The following ADAMTS2 variants were observed in gnomAD, a reference collection of about 807,000 sequenced individuals.
The protein encoded by ADAMTS2 is ADAM metallopeptidase with thrombospondin type 1 motif 2.
A neutral mutation model predicts 123.0 loss-of-function variants in ADAMTS2; 50 were observed. The ratio of observed to expected loss-of-function variants is 0.41; its 90% CI spans 0.32 to 0.51. ADAMTS2 has a LOEUF of 0.51. Ranked by LOEUF, ADAMTS2 falls within the 20% of genes least tolerant of loss-of-function variation. ADAMTS2 has a pLI of 0.35. For missense variants in ADAMTS2, 1,494 were observed against 1,705.2 expected (o/e 0.88, Z 2.18); for synonymous variants, 678 against 695.4 (o/e 0.98, Z 0.39).
At chr5:179,230,346 G>A (rs1765380042) in intron 3 of ADAMTS2, among the ~76,000 whole-genome samples, 1 of 152,184 alleles carries the variant, frequency 6.6e-6, no homozygotes, top group South Asian at 2.1e-4. Context: ...CTGGCCCTGG[G>A]CACTCACAGG....
chr5:179,153,615 T>C lies in ADAMTS2; in HGVS notation c.1391A>G (p.Asp464Gly). 6 of 1,603,494 alleles carry C rather than the reference T, an allele frequency of 3.7e-6. No individual in the cohort carries two copies. The highest frequency in any genetic ancestry group is 5.1e-6 in the Non-Finnish European group (6 of 1,179,558). ...GGCGAAGGGGTCATCCAGCAGGCAG[T>C]CATAGGAGCTGTGGGGGACACACGG... ...QELSRYLHSY[D>G]CLLDDPFAHD... Residue 464 changes from aspartate to glycine, a missense_variant, in exon 9 of 22, where the codon GAC becomes GGC. Coordinates refer to ENST00000251582, the MANE Select transcript of ADAMTS2 (RefSeq NM_014244.5).
intron 4 of ADAMTS2, among the ~76,000 whole-genome samples, chr5:179,194,403 A>G (rs1764374071): frequency 6.6e-6 from 1 of 152,204 alleles, no homozygotes; most frequent in South Asian, 2.1e-4. Flanking sequence ...ATCCGGGTGC[A>G]CTAAGGGAGT....
intron 3 of ADAMTS2, among the ~76,000 whole-genome samples, chr5:179,224,904 A>T (rs917869147): frequency 6.6e-6 from 1 of 152,114 alleles, no homozygotes; most frequent in African/African-American, 2.4e-5. Context: ...GTTTCCCTGT[A>T]TCCTCCTCCG....
At chr5:179,207,461 C>G (rs527987355) in intron 4 of ADAMTS2, 52 bp downstream of exon 4, 3 of 1,566,796 alleles carry the variant, frequency 1.9e-6, no homozygotes, top group South Asian at 2.2e-5. Context: ...GCCTGCCCAG[C>G]CCCTGGTTGA....
At position 179,128,069 on chromosome 5, in the gene ADAMTS2, A is replaced by T. The variant is rs138983307; in HGVS notation, c.2507T>A (p.Ile836Asn). 2 of 1,613,894 alleles carry T rather than the reference A, an allele frequency of 1.2e-6. No individual in the cohort carries two copies. The highest frequency in any genetic ancestry group is 2.7e-5 in the African/African-American group (2 of 75,000). ...GTCGACATTCAGTGAGTCCTCATGG[A>T]TCATGTATTTGTACGTCAGTGAGAC... ...TRVSLTYKYM[I>N]HEDSLNVDDN... is the part of the protein sequence containing the mutation. The change falls in exon 17 of 22, where the codon ATC becomes AAC. Residue 836 changes from isoleucine to asparagine, a missense_variant. This residue lies in a region of ADAMTS2 where 953 missense variants were observed against 1,124.7 expected (regional missense o/e 0.85). Coordinates refer to ENST00000251582, the MANE Select transcript of ADAMTS2 (RefSeq NM_014244.5). The surrounding 1 kb of genome is among the most constrained non-coding windows in gnomAD (Gnocchi z 4.9).
intron 3 of ADAMTS2, among the ~76,000 whole-genome samples, chr5:179,208,165 T>TGAC (rs1561806138): frequency 8.6e-6 from 1 of 115,740 alleles, no homozygotes; most frequent in Non-Finnish European, 1.7e-5. Context: ...CACTGCCCGA[T>TGAC]GCTGGAGTGG....
chr5:179,209,191 C>T (rs1417082499), intron 3 of ADAMTS2, among the ~76,000 whole-genome samples: 1 of 152,198 alleles, frequency 6.6e-6, no homozygotes, highest in Non-Finnish European at 1.5e-5. Flanking sequence ...CAGCAGGCCA[C>T]TCGGTGGACG....
rs1763442798 is a variant in ADAMTS2 at position 179,155,063 on chromosome 5, A to T, written c.1133-144T>A. ...CAACTGCCCCCGGCTGGCACAGCTCAGAAGACACCACAGCAGACAGCTCAT... is the reference window on the plus strand; with the variant it reads ...CAACTGCCCCCGGCTGGCACAGCTCTGAAGACACCACAGCAGACAGCTCAT... On this transcript the variant is annotated intron_variant, in intron 6 of 21. Transcript: ENST00000251582. This position sits in a 1 kb window ranked among gnomAD's most constrained non-coding sequence, Gnocchi z 5.1. The T allele has an allele frequency of 1.3e-6, 1 of 742,378 alleles. No individual in the cohort carries two copies. Among genetic ancestry groups the T allele is most frequent in the Non-Finnish European group, 2.4e-6 (1 of 416,998 alleles). The allele number at this position is 742,378 out of a possible 1,614,324, so 46.0% of individuals were successfully genotyped here.
intron 3 of ADAMTS2, among the ~76,000 whole-genome samples, chr5:179,226,276 C>G (rs1262158765): frequency 3.8e-5 from 5 of 132,252 alleles, no homozygotes; most frequent in African/African-American, 1.1e-4. Flanking sequence ...TTCCTTCTTT[C>G]TTTTTTTTTT....
At chr5:179,216,082 C>T (rs1764972052) in intron 3 of ADAMTS2, among the ~76,000 whole-genome samples, 1 of 152,234 alleles carries the variant, frequency 6.6e-6, no homozygotes, top group East Asian at 1.9e-4. Flanking sequence ...GAGTAAGACA[C>T]AGATATAGAA....
At chr5:179,275,938 G>A (rs77485023) in intron 2 of ADAMTS2, among the ~76,000 whole-genome samples, 3,477 of 152,308 alleles carry the variant, frequency 0.023, 56 homozygotes, top group Middle Eastern at 0.061. Context: ...AGGACCCTCT[G>A]GGCTCAGGCA....
chr5:179,340,071 C>G (rs1035659054), intron 2 of ADAMTS2, among the ~76,000 whole-genome samples: 3 of 152,250 alleles, frequency 2.0e-5, no homozygotes, highest in Non-Finnish European at 4.4e-5. Flanking sequence ...CCTTGGGTCT[C>G]TCTGAGCCTC....
chr5:179,183,322 G>A (rs771696170), intron 4 of ADAMTS2, among the ~76,000 whole-genome samples: 1 of 152,220 alleles, frequency 6.6e-6, no homozygotes, highest in Non-Finnish European at 1.5e-5. Context: ...TCTGACCGAG[G>A]GAAGGTCCCA....
intron 13 of ADAMTS2, among the ~76,000 whole-genome samples, chr5:179,135,388 C>T (rs3776812): frequency 0.24 from 36,125 of 152,062 alleles, 4,414 homozygotes; most frequent in Non-Finnish European, 0.25. Flanking sequence ...CGTCACATGG[C>T]GAGGTGACAC....
intron 2 of ADAMTS2, among the ~76,000 whole-genome samples, chr5:179,325,815 T>C (rs1757298130): frequency 6.6e-6 from 1 of 152,204 alleles, no homozygotes; most frequent in Non-Finnish European, 1.5e-5. Context: ...CGGTTTTCTG[T>C]CACTTGCAGT....
intron 10 of ADAMTS2, among the ~76,000 whole-genome samples, chr5:179,143,321 C>G (rs1034249942): frequency 6.6e-6 from 1 of 151,648 alleles, no homozygotes; most frequent in Non-Finnish European, 1.5e-5. Context: ...TGATTCCCAG[C>G]TACTCGGAGG....
Position 179,344,114 on chromosome 5 carries a change from G to C in ADAMTS2, c.187C>G (p.Arg63Gly). 1 of 1,608,046 alleles carries C rather than the reference G, an allele frequency of 6.2e-7. No individual in the cohort carries two copies. Among genetic ancestry groups the C allele is most frequent in the Non-Finnish European group, 8.5e-7 (1 of 1,177,494 alleles). ...ACCAAGCGGCCCTGGGCGTCAGTGCGCACGGGCACCGCCAGGATGCGCTCC... is the reference window on the plus strand; with the variant it reads ...ACCAAGCGGCCCTGGGCGTCAGTGCCCACGGGCACCGCCAGGATGCGCTCC... ...GAERILAVPV[R>G]TDAQGRLVSH... The change falls in exon 2 of 22, where the codon CGC (arginine) becomes GGC (glycine). Residue 63 changes from arginine (R) to glycine (G), a missense_variant. Arg to Gly is a moderately radical substitution (Grantham distance 125). Coordinates refer to ENST00000251582, the MANE Select transcript of ADAMTS2 (RefSeq NM_014244.5).
chr5:179,143,490 T>G (rs1328652049), intron 10 of ADAMTS2, among the ~76,000 whole-genome samples: 1 of 150,850 alleles, frequency 6.6e-6, no homozygotes, highest in Non-Finnish European at 1.5e-5. Context: ...GTACAAAAAC[T>G]TAAAAGATAA....
In ADAMTS2 at chr5:179,147,515, C is replaced by T. The variant is rs144638432; in HGVS notation, c.1629+4627G>A. Among the ~76,000 whole-genome samples, 1,066 of 152,236 alleles carry T rather than the reference C, an allele frequency of 7.0e-3. 12 individuals are homozygous for T. The highest frequency in any genetic ancestry group is 0.024 in the African/African-American group (982 of 41,518). ...ACCTAAAAATCAAACAAAATACTGC[C>T]CATATAGAAGTAGTGACAACCTCCG... On this transcript the variant is annotated intron_variant, in intron 10 of 21. Transcript: ENST00000251582.
Sources: gnomAD v4.1 joint callset for allele counts (sites outside exome capture counted in the v4.1 genomes callset) on GRCh38, gnomAD v4.1.1 for gene constraint, gnomAD v4.1.1 regional missense constraint, Gnocchi (gnomAD v3.1) non-coding constraint, MANE v1.5 for transcripts, NCBI Gene and HGNC (gene_info 2026-07-23, HGNC 2026-07-21) for gene names.